Variants in CPEB1 observed in about 807,000 individuals in gnomAD.
CPEB1 encodes the protein cytoplasmic polyadenylation element binding protein 1, also known as cytoplasmic polyadenylation element-binding protein 1.
A neutral mutation model predicts 65.8 loss-of-function variants in CPEB1; 7 were observed. That is an observed-to-expected ratio of 0.11 (90% CI 0.06 to 0.20). The LOEUF (loss-of-function observed/expected upper bound fraction) is 0.20. CPEB1 is among the 10% of genes least tolerant of loss of function. The pLI is 1.00. For synonymous variants in CPEB1, 262 were observed against 260.0 expected (o/e 1.01, Z -0.08); for missense variants, 551 against 712.2 (o/e 0.77, Z 2.58).
intron 1 of CPEB1, among the ~76,000 whole-genome samples, chr15:82,645,039 C>T (rs1319135510): frequency 2.0e-5 from 3 of 152,216 alleles, no homozygotes; most frequent in East Asian, 1.9e-4. Flanking sequence ...TCACCACAGG[C>T]ATCAGCTCTC....
chr15:82,612,749 G>A (rs1046184540), intron 3 of CPEB1, among the ~76,000 whole-genome samples: 13 of 151,880 alleles, frequency 8.6e-5, no homozygotes, highest in Non-Finnish European at 1.0e-4. Context: ...CAGGAGAATC[G>A]CTTGAACCTG....
At chr15:82,620,392 T>C (rs986042064) in intron 3 of CPEB1, among the ~76,000 whole-genome samples, 51 of 150,066 alleles carry the variant, frequency 3.4e-4, no homozygotes, top group Non-Finnish European at 1.3e-4. Flanking sequence ...ACCACTGCAC[T>C]GTAGTCTGGG....
intron 3 of CPEB1, among the ~76,000 whole-genome samples, chr15:82,593,592 T>C (rs539204725): frequency 6.6e-6 from 1 of 152,366 alleles, no homozygotes; most frequent in South Asian, 2.1e-4. Flanking sequence ...TTCATGTTAA[T>C]ATTTTTACCT....
chr15:82,576,610 T>A (rs1207660306), intron 3 of CPEB1, among the ~76,000 whole-genome samples: 1 of 152,228 alleles, frequency 6.6e-6, no homozygotes, highest in Non-Finnish European at 1.5e-5. Flanking sequence ...GTGTTCACTT[T>A]GTAATTCTTT....
chr15:82,561,372 A>G (rs766830581), intron 4 of CPEB1, among the ~76,000 whole-genome samples: 5 of 152,224 alleles, frequency 3.3e-5, no homozygotes, highest in Admixed American at 2.6e-4. Context: ...AGCATTCACC[A>G]GTAAAAAAAA....
At chr15:82,577,390 AT>A (rs1013778862) in intron 3 of CPEB1, among the ~76,000 whole-genome samples, 7 of 151,994 alleles carry the variant, frequency 4.6e-5, no homozygotes, top group Non-Finnish European at 1.0e-4. Flanking sequence ...AACTTAAAAA[AT>A]TTTTTTTTAA....
intron 3 of CPEB1, among the ~76,000 whole-genome samples, chr15:82,610,562 TAAA>T (rs561601326): frequency 6.7e-6 from 1 of 150,010 alleles, no homozygotes; most frequent in Non-Finnish European, 1.5e-5. Context: ...AGAACAAAAG[TAAA>T]AAAAAATCAC....
At chr15:82,544,734 T>C (rs2034852385) in intron 12 of CPEB1, 32 bp from the exon 13 acceptor site, 3 of 1,529,586 alleles carry the variant, frequency 2.0e-6, no homozygotes, top group South Asian at 1.1e-5. Context: ...GAGGATGCCA[T>C]GCCTGTGTCA....
At chr15:82,635,110 C>T (rs1465467615) in intron 1 of CPEB1, among the ~76,000 whole-genome samples, 6 of 152,212 alleles carry the variant, frequency 3.9e-5, no homozygotes, top group South Asian at 2.1e-4. Context: ...CCGCCTCAGC[C>T]TCCCAAAGTG....
intron 1 of CPEB1, chr15:82,629,239 T>C (rs1486933124): frequency 1.0e-6 from 1 of 984,112 alleles, no homozygotes. Context: ...TTTGATGACA[T>C]ATGTAAAGCA....
At chr15:82,598,511 G>A (rs143111293) in intron 3 of CPEB1, among the ~76,000 whole-genome samples, 3,448 of 152,072 alleles carry the variant, frequency 0.023, 60 homozygotes, top group Non-Finnish European at 0.035. Flanking sequence ...CAGGCTGGGC[G>A]CAGTGGTTCA....
chr15:82,558,270 G>A (rs2037575226), intron 4 of CPEB1, among the ~76,000 whole-genome samples: 1 of 152,360 alleles, frequency 6.6e-6, no homozygotes, highest in African/African-American at 2.4e-5. Context: ...GTCAATGCCA[G>A]TACTTGGGAA....
chr15:82,615,217 C>T (rs748765146), intron 3 of CPEB1, among the ~76,000 whole-genome samples: 4 of 152,086 alleles, frequency 2.6e-5, no homozygotes, highest in African/African-American at 4.8e-5. Flanking sequence ...AAACTGTACC[C>T]TATCCTCCCA....
At chr15:82,574,021 C>G (rs1246550682) in intron 3 of CPEB1, among the ~76,000 whole-genome samples, 1 of 152,098 alleles carries the variant, frequency 6.6e-6, no homozygotes, top group Non-Finnish European at 1.5e-5. Flanking sequence ...CCACCCCAAG[C>G]TGAAAGACCC....
chr15:82,571,313 T>C, intron 4 of CPEB1, 31 bp downstream of exon 4: 2 of 1,597,168 alleles, frequency 1.3e-6, no homozygotes, highest in Non-Finnish European at 1.7e-6. Context: ...TGCATCCCCT[T>C]ACCCCAGCCA....
intron 3 of CPEB1, among the ~76,000 whole-genome samples, chr15:82,593,956 T>C (rs991682983): frequency 6.6e-6 from 1 of 152,246 alleles, no homozygotes; most frequent in African/African-American, 2.4e-5. Context: ...TGCAAACAGA[T>C]GTGCTGTCAT....
In CPEB1 at chr15:82,549,323, A is replaced by G. The variant is rs900055762; in HGVS notation, c.1480+137T>C. On this transcript the variant is annotated intron_variant, in intron 10 of 12. Coordinates refer to ENST00000684509, the MANE Select transcript of CPEB1 (RefSeq NM_001365242.1). ...CAGTACTCGTGACTTGTCTAGAAAA[A>G]GATATTATGGTGCTGGTATATGCTG... 5.1e-6 allele frequency: 4 copies of G among 790,542 alleles called. No individual in the cohort carries two copies. The African/African-American group carries it at 6.9e-5, about 14-fold the overall frequency. 49.0% of individuals were successfully genotyped at this position (790,542 alleles called of 1,614,324 possible).
At chr15:82,592,227 T>TTCACC (rs1187592230) in intron 3 of CPEB1, among the ~76,000 whole-genome samples, 2 of 152,144 alleles carry the variant, frequency 1.3e-5, no homozygotes, top group Non-Finnish European at 2.9e-5. Flanking sequence ...GCAGGTTCAG[T>TTCACC]TGCAGACCAC....
chr15:82,580,179 G>A (rs569450548), intron 3 of CPEB1, among the ~76,000 whole-genome samples: 95 of 151,510 alleles, frequency 6.3e-4, no homozygotes, highest in African/African-American at 2.1e-3. Context: ...AAATTAGCTG[G>A]GCATGGTGCC....
Sources: allele counts gnomAD v4.1 joint callset (sites outside exome capture counted in the v4.1 genomes callset), GRCh38; gene constraint gnomAD v4.1.1; transcripts MANE v1.5; gene names NCBI Gene and HGNC (gene_info 2026-07-23, HGNC 2026-07-21).